The following BACE2 variants were observed in gnomAD, a reference collection of about 807,000 sequenced individuals.
BACE2 encodes the protein beta-secretase 2.
A neutral mutation model predicts 46.2 loss-of-function variants in BACE2; 17 were observed. That is an observed-to-expected ratio of 0.37 (90% CI 0.25 to 0.55). The LOEUF (loss-of-function observed/expected upper bound fraction) is 0.55, where lower values mean the gene tolerates loss of function less well. Ranked by LOEUF, BACE2 falls within the 20% of genes least tolerant of loss-of-function variation. The pLI, the probability that BACE2 is intolerant of heterozygous loss-of-function variation, is 0.82. For missense variants in BACE2, 595 were observed against 698.1 expected, an observed-to-expected ratio of 0.85 and a Z score of 1.66; for synonymous variants, 277 against 295.9, an observed-to-expected ratio of 0.94 and a Z score of 0.66.
intron 1 of BACE2, among the ~76,000 whole-genome samples, chr21:41,223,724 A>T (rs1177431440): frequency 6.6e-6 from 1 of 152,210 alleles, no homozygotes; most frequent in Non-Finnish European, 1.5e-5. Flanking sequence ...GAACTTCAGC[A>T]TCTCTTTTTG....
intron 1 of BACE2, among the ~76,000 whole-genome samples, chr21:41,200,546 G>A (rs978157406): frequency 3.3e-5 from 5 of 152,110 alleles, no homozygotes; most frequent in Non-Finnish European, 2.9e-5. Context: ...GTGCTAGCCC[G>A]GCCCCCTGTG....
At chr21:41,220,796 A>G (rs1282164044) in intron 1 of BACE2, among the ~76,000 whole-genome samples, 1 of 151,780 alleles carries the variant, frequency 6.6e-6, no homozygotes, top group Non-Finnish European at 1.5e-5. Context: ...GCAAGCTCTT[A>G]CACATTTTCT....
At chr21:41,247,020 G>T (rs894386459) in intron 6 of BACE2, among the ~76,000 whole-genome samples, 9 of 152,138 alleles carry the variant, frequency 5.9e-5, no homozygotes, top group African/African-American at 2.2e-4. Flanking sequence ...TAGCATCTGG[G>T]CCTTCCTTGT....
chr21:41,249,247 A>G (rs539677047), intron 6 of BACE2, among the ~76,000 whole-genome samples: 3 of 130,044 alleles, frequency 2.3e-5, no homozygotes, highest in East Asian at 4.8e-4. Context: ...GTGAGCCCCC[A>G]CATGTACACT....
intron 1 of BACE2, among the ~76,000 whole-genome samples, chr21:41,222,380 G>A (rs576747567): frequency 1.1e-4 from 16 of 152,328 alleles, no homozygotes; most frequent in South Asian, 2.1e-4. Context: ...AGAAGGTGGC[G>A]TTGAAGGAAG....
At chr21:41,225,546 T>C (rs894590374) in intron 1 of BACE2, 1 of 152,134 alleles carries the variant, frequency 6.6e-6, no homozygotes, top group Non-Finnish European at 1.5e-5. Context: ...ATGTATAGAA[T>C]GTTCAAGAAC....
chr21:41,170,440 G>A (rs1984565486), intron 1 of BACE2, among the ~76,000 whole-genome samples: 1 of 152,306 alleles, frequency 6.6e-6, no homozygotes. Context: ...ATTTTTACAT[G>A]TGATGGGGAA....
chr21:41,195,955 C>G (rs1235844369), intron 1 of BACE2, among the ~76,000 whole-genome samples: 1 of 152,074 alleles, frequency 6.6e-6, no homozygotes, highest in Non-Finnish European at 1.5e-5. Context: ...TTGGAAATGG[C>G]TAGCAAAATT....
At chr21:41,237,421 G>T in intron 2 of BACE2, 92 bp from the exon 3 acceptor site, 1 of 958,652 alleles carries the variant, frequency 1.0e-6, no homozygotes, top group Non-Finnish European at 1.4e-6. Context: ...ACTCCAGCCT[G>T]GGTGACAGAG....
intron 3 of BACE2, among the ~76,000 whole-genome samples, chr21:41,239,838 C>T (rs1009974944): frequency 3.3e-5 from 5 of 152,152 alleles, no homozygotes; most frequent in African/African-American, 1.2e-4. Flanking sequence ...AACTTCCGTT[C>T]CTAAATACAT....
At chr21:41,265,402 A>G (rs1297244224) in intron 8 of BACE2, among the ~76,000 whole-genome samples, 1 of 152,210 alleles carries the variant, frequency 6.6e-6, no homozygotes, top group Non-Finnish European at 1.5e-5. Context: ...TTTAATGAAT[A>G]TCACTTCGTT....
At chr21:41,179,152 T>TCCAGGATGAGGAGTGAGGGG in intron 1 of BACE2, 1 of 1,156,400 alleles carries the variant, frequency 8.6e-7, no homozygotes. Context: ...GGAGTGAGGG[T>TCCAGGATGAGGAGTGAGGGG]GTCCAGGGTG....
intron 1 of BACE2, among the ~76,000 whole-genome samples, chr21:41,224,963 G>A (rs535601670): frequency 6.6e-6 from 1 of 152,150 alleles, no homozygotes; most frequent in Non-Finnish European, 1.5e-5. Context: ...GGCTGGGTGC[G>A]GTGGCTCACG....
At chr21:41,188,642 CCTAAGGGCAGGATTGCCTGAG>C (rs1985462087) in intron 1 of BACE2, among the ~76,000 whole-genome samples, 1 of 152,164 alleles carries the variant, frequency 6.6e-6, no homozygotes, top group Non-Finnish European at 1.5e-5. Flanking sequence ...TGTGAATCTG[CCTAAGGGCAGGATTGCCTGAG>C]CTAAGGGCAG....
chr21:41,203,730 C>T (rs1986035493), intron 1 of BACE2, among the ~76,000 whole-genome samples: 1 of 151,966 alleles, frequency 6.6e-6, no homozygotes, highest in Non-Finnish European at 1.5e-5. Context: ...GGCGCTGGGA[C>T]ACCCCAAAAC....
rs2123604359 is a variant in BACE2 at position 41,243,150 on chromosome 21, G to C, written c.748-226G>C. 1.3e-5 allele frequency among the ~76,000 whole-genome samples: 2 copies of C among 152,284 alleles called. 1 individual carries two copies. Among genetic ancestry groups the C allele is most frequent in the South Asian group, 4.1e-4 (2 of 4,826 alleles). On this transcript the variant is annotated intron_variant, in intron 4 of 8. Coordinates refer to ENST00000330333, the MANE Select transcript of BACE2 (RefSeq NM_012105.5). ...GCCGTTCTCGAACTCCTGACTTCAT[G>C]ATCCGCCCACCTCAGCCTCCCAAAG...
chr21:41,215,724 G>C (rs909582069), intron 1 of BACE2, among the ~76,000 whole-genome samples: 6 of 152,218 alleles, frequency 3.9e-5, no homozygotes, highest in African/African-American at 1.2e-4. Context: ...CATCTCCAAG[G>C]CGTTTCTGTT....
At chr21:41,266,690 C>A (rs1184260356) in intron 8 of BACE2, among the ~76,000 whole-genome samples, 1 of 152,222 alleles carries the variant, frequency 6.6e-6, no homozygotes, top group Non-Finnish European at 1.5e-5. Context: ...GCAAGGTTTG[C>A]ACAGGCATCT....
At chr21:41,263,840 C>T (rs192426423) in intron 8 of BACE2, among the ~76,000 whole-genome samples, 6 of 152,308 alleles carry the variant, frequency 3.9e-5, no homozygotes, top group Admixed American at 2.0e-4. Flanking sequence ...ATTTTCCCAT[C>T]GTGCTATACC....
Sources: gnomAD v4.1 joint callset for allele counts (sites outside exome capture counted in the v4.1 genomes callset) on GRCh38, gnomAD v4.1.1 for gene constraint, MANE v1.5 for transcripts, NCBI Gene and HGNC (gene_info 2026-07-23, HGNC 2026-07-21) for gene names.